LARP1B: variants seen among roughly 807,000 people sequenced by gnomAD.
The protein encoded by LARP1B is La ribonucleoprotein 1B.
In LARP1B, 76 loss-of-function variants were observed where a neutral mutation model predicts 114.2. The ratio of observed to expected loss-of-function variants is 0.67; its 90% CI spans 0.55 to 0.81. The LOEUF is 0.81. LARP1B is among the 30% of genes least tolerant of loss of function. The pLI is 0.00. For missense variants in LARP1B, 1,014 were observed against 1,075.8 expected (o/e 0.94, Z 0.80); for synonymous variants, 345 against 348.0 (o/e 0.99, Z 0.10).
At chr4:128,201,639 C>T (rs1755979675) in intron 17 of LARP1B, among the ~76,000 whole-genome samples, 1 of 152,206 alleles carries the variant, frequency 6.6e-6, no homozygotes, top group Non-Finnish European at 1.5e-5. Context: ...TCTCTTCGTC[C>T]TCCCTGTGCT....
intron 11 of LARP1B, among the ~76,000 whole-genome samples, chr4:128,129,412 A>T (rs189752852): frequency 1.3e-4 from 20 of 152,048 alleles, no homozygotes; most frequent in East Asian, 1.2e-3. Context: ...TATTATAGAT[A>T]GGAAGACTCA....
chr4:128,165,544 G>A (rs935100238), intron 12 of LARP1B, among the ~76,000 whole-genome samples: 1 of 152,014 alleles, frequency 6.6e-6, no homozygotes, highest in African/African-American at 2.4e-5. Flanking sequence ...ATAAAAGAAT[G>A]ATCCTAATAG....
chr4:128,178,736 GTGTT>G, intron 14 of LARP1B, 94 bp downstream of exon 14: 8 of 886,096 alleles, frequency 9.0e-6, no homozygotes, highest in Non-Finnish European at 1.4e-5. Context: ...TGAAAAATGT[GTGTT>G]ATAACTTGTA....
chr4:128,212,447 C>T (rs920582299), downstream of LARP1B, among the ~76,000 whole-genome samples: 8 of 151,998 alleles, frequency 5.3e-5, no homozygotes, highest in Middle Eastern at 3.4e-3. Flanking sequence ...AATGCGAGAC[C>T]AGCCTGGCCA....
chr4:128,097,694 C>G (rs1778580274), intron 7 of LARP1B, among the ~76,000 whole-genome samples: 1 of 152,110 alleles, frequency 6.6e-6, no homozygotes, highest in African/African-American at 2.4e-5. Flanking sequence ...ACTTAGAAAA[C>G]AAAATGAACT....
intron 12 of LARP1B, among the ~76,000 whole-genome samples, chr4:128,175,865 G>A (rs183021791): frequency 6.6e-6 from 1 of 151,674 alleles, no homozygotes; most frequent in African/African-American, 2.4e-5. Context: ...AGATTTCCCA[G>A]GCTCAGATTA....
intron 11 of LARP1B, among the ~76,000 whole-genome samples, chr4:128,143,902 TG>T (rs570024441): frequency 1.5e-3 from 233 of 151,896 alleles, no homozygotes; most frequent in Non-Finnish European, 2.8e-3. Context: ...AAAGAGAGAA[TG>T]GAAGATACAG....
intron 15 of LARP1B, among the ~76,000 whole-genome samples, chr4:128,188,058 A>G (rs1750923170): frequency 6.6e-6 from 1 of 151,084 alleles, no homozygotes; most frequent in Non-Finnish European, 1.5e-5. Context: ...TTCCTCTATA[A>G]TTTACCCAGT....
At chr4:128,164,006 A>G (rs1310984951) in intron 12 of LARP1B, among the ~76,000 whole-genome samples, 4 of 152,222 alleles carry the variant, frequency 2.6e-5, no homozygotes, top group Middle Eastern at 6.8e-3. Context: ...TTTTAAGGAG[A>G]AAAATATATT....
intron 11 of LARP1B, among the ~76,000 whole-genome samples, chr4:128,159,714 C>A (rs1034870961): frequency 1.3e-5 from 2 of 152,130 alleles, no homozygotes; most frequent in Non-Finnish European, 2.9e-5. Context: ...GAAAATACCA[C>A]ACATTGGTGC....
intron 11 of LARP1B, among the ~76,000 whole-genome samples, chr4:128,161,008 A>T (rs1369147132): frequency 6.6e-6 from 1 of 152,136 alleles, no homozygotes; most frequent in Non-Finnish European, 1.5e-5. Flanking sequence ...ATTCTTTCTT[A>T]TGTTTTTTAC....
intron 7 of LARP1B, among the ~76,000 whole-genome samples, chr4:128,094,142 G>A (rs1017828846): frequency 6.6e-6 from 1 of 150,918 alleles, no homozygotes; most frequent in Non-Finnish European, 1.5e-5. Flanking sequence ...GGTCAGGCTG[G>A]TCTCGAACTC....
chr4:128,155,412 C>T lies in LARP1B; in HGVS notation c.1525-6782C>T, dbSNP rs899141177. ...GCATGTTCTGAGACTTCAGGGAACC[C>T]GGCCCGAGCTCCGGGAATGGCGTGG... On this transcript the variant is annotated intron_variant, in intron 11 of 19. Transcript: ENST00000326639. The T allele has an allele frequency of 1.2e-5, 8 of 640,774 alleles. No homozygotes were observed. The East Asian group carries it at 1.4e-4, about 11-fold the overall frequency. The allele number at this position is 640,774 out of a possible 1,614,324, so 39.7% of individuals were successfully genotyped here.
chr4:128,172,057 C>G (rs891360250), intron 12 of LARP1B, among the ~76,000 whole-genome samples: 3 of 151,948 alleles, frequency 2.0e-5, no homozygotes, highest in Admixed American at 6.6e-5. Context: ...AAGTTCTCAG[C>G]TATTATTTCC....
chr4:128,079,986 CTTTT>C (rs1268942912), intron 4 of LARP1B, among the ~76,000 whole-genome samples: 2 of 144,318 alleles, frequency 1.4e-5, no homozygotes, highest in Middle Eastern at 3.5e-3. Flanking sequence ...TAAAATTTGT[CTTTT>C]TTTTTTTTTT....
At chr4:128,068,926 C>A in intron 1 of LARP1B, 2 of 497,438 alleles carry the variant, frequency 4.0e-6, no homozygotes, top group Non-Finnish European at 7.1e-6. Context: ...AGTCTGCAGA[C>A]TAGTTTTAAC....
intron 3 of LARP1B, among the ~76,000 whole-genome samples, chr4:128,077,499 C>T (rs1311100756): frequency 6.7e-6 from 1 of 149,992 alleles, no homozygotes; most frequent in Admixed American, 6.7e-5. Context: ...AGACTCTGTC[C>T]TCCCGCCCCC....
chr4:128,142,849 C>G (rs373702554), intron 11 of LARP1B, among the ~76,000 whole-genome samples: 2 of 152,004 alleles, frequency 1.3e-5, no homozygotes, highest in Non-Finnish European at 2.9e-5. Context: ...TTACACTCTT[C>G]CTAACACCTT....
chr4:128,202,593 C>G (rs1284228132), intron 17 of LARP1B, among the ~76,000 whole-genome samples: 1 of 152,100 alleles, frequency 6.6e-6, no homozygotes, highest in African/African-American at 2.4e-5. Context: ...GCTATTTATG[C>G]AATTTCTGTT....
Sources: gnomAD v4.1 joint callset for allele counts (sites outside exome capture counted in the v4.1 genomes callset) on GRCh38, gnomAD v4.1.1 for gene constraint, MANE v1.5 for transcripts, NCBI Gene and HGNC (gene_info 2026-07-23, HGNC 2026-07-21) for gene names.